PRKG1: variants seen among roughly 807,000 people sequenced by gnomAD.
PRKG1 encodes the protein protein kinase cGMP-dependent 1.
A neutral mutation model predicts 88.1 loss-of-function variants in PRKG1; 35 were observed. The ratio of observed to expected loss-of-function variants is 0.40; its 90% CI spans 0.30 to 0.53. The LOEUF is 0.53. PRKG1 is among the 20% of genes least tolerant of loss of function. PRKG1 has a pLI of 0.59. For synonymous variants in PRKG1, 303 were observed against 292.5 expected (o/e 1.04, Z -0.37); for missense variants, 540 against 839.8 (o/e 0.64, Z 4.41).
chr10:51,600,834 T>C (rs1838577999), intron 3 of PRKG1, among the ~76,000 whole-genome samples: 1 of 152,030 alleles, frequency 6.6e-6, no homozygotes, highest in South Asian at 2.1e-4. Context: ...AAGTTTCTTA[T>C]TTATTGTTCA....
At chr10:51,297,111 T>C (rs1840741243) in intron 2 of PRKG1, among the ~76,000 whole-genome samples, 1 of 152,110 alleles carries the variant, frequency 6.6e-6, no homozygotes, top group South Asian at 2.1e-4. Context: ...TCCCTGGCAA[T>C]AATATGATAG....
chr10:51,669,748 A>G (rs866295497), intron 3 of PRKG1, among the ~76,000 whole-genome samples: 8 of 152,136 alleles, frequency 5.3e-5, no homozygotes, highest in African/African-American at 1.9e-4. Context: ...TATGGTTGAT[A>G]CCTTTTTTAA....
intron 3 of PRKG1, among the ~76,000 whole-genome samples, chr10:51,666,309 T>C (rs1264561053): frequency 1.3e-5 from 2 of 152,208 alleles, no homozygotes; most frequent in African/African-American, 2.4e-5. Flanking sequence ...CGACACTAAG[T>C]TGGCCCCTTG....
intron 7 of PRKG1, among the ~76,000 whole-genome samples, chr10:52,102,605 A>AG (rs1328480711): frequency 1.4e-4 from 21 of 148,330 alleles, no homozygotes; most frequent in African/African-American, 5.2e-4. Flanking sequence ...AAAAGAAAAA[A>AG]AAATTGGTGG....
chr10:52,217,111 T>TA (rs1840129861), intron 9 of PRKG1, among the ~76,000 whole-genome samples: 1 of 152,126 alleles, frequency 6.6e-6, no homozygotes. Flanking sequence ...GAAGGGTGGT[T>TA]AAGTAGGCCC....
chr10:51,395,605 A>G (rs980884147), intron 2 of PRKG1, among the ~76,000 whole-genome samples: 2 of 152,214 alleles, frequency 1.3e-5, no homozygotes, highest in African/African-American at 2.4e-5. Flanking sequence ...TAATTGAGAT[A>G]TAATTAAAAT....
chr10:51,016,952 C>G (rs1031949043), intron 1 of PRKG1, among the ~76,000 whole-genome samples: 6 of 151,490 alleles, frequency 4.0e-5, no homozygotes, highest in Non-Finnish European at 5.9e-5. Flanking sequence ...CATGTGTGAG[C>G]CACCGTGCCT....
At chr10:51,703,282 T>A (rs12242231) in intron 3 of PRKG1, among the ~76,000 whole-genome samples, 41,624 of 152,046 alleles carry the variant, frequency 0.27, 8,370 homozygotes, top group African/African-American at 0.58. Flanking sequence ...GATTCACTAT[T>A]GATTCAGTAG....
At chr10:52,286,172 T>G (rs1842112058) in intron 14 of PRKG1, among the ~76,000 whole-genome samples, 1 of 152,062 alleles carries the variant, frequency 6.6e-6, no homozygotes, top group African/African-American at 2.4e-5. Flanking sequence ...ATAGTCTTAT[T>G]GGCATCAAAG....
rs1286129159 is a variant in PRKG1, at chr10:52,067,980, G to A, written c.935+5349G>A. Reference sequence around the variant, plus strand: ...AGCACTTTGGGAGGCCGAGACGGGCGGATCACGAGGTCAGGAGATCGAGAC... The same window carrying A: ...AGCACTTTGGGAGGCCGAGACGGGCAGATCACGAGGTCAGGAGATCGAGAC... On this transcript the variant is annotated intron_variant, in intron 7 of 17. Coordinates refer to ENST00000373980, the MANE Select transcript of PRKG1 (RefSeq NM_006258.4). Among the ~76,000 whole-genome samples, 5 of 105,232 alleles carry A rather than the reference G, an allele frequency of 4.8e-5. 1 individual carries two copies. The highest frequency in any genetic ancestry group is 2.0e-4 in the Admixed American group (2 of 9,812). 69.0% of individuals were successfully genotyped at this position (105,232 alleles called of 152,430 possible).
At chr10:52,248,025 G>A (rs1201877965) in intron 9 of PRKG1, among the ~76,000 whole-genome samples, 3 of 152,202 alleles carry the variant, frequency 2.0e-5, no homozygotes, top group Non-Finnish European at 2.9e-5. Context: ...CGAAGGGATG[G>A]GCCAAATTAA....
At chr10:51,559,629 T>G (rs543451160) in intron 3 of PRKG1, among the ~76,000 whole-genome samples, 2 of 152,236 alleles carry the variant, frequency 1.3e-5, no homozygotes, top group South Asian at 2.1e-4. Context: ...ATGCATGAAA[T>G]TTTTATCAAG....
intron 2 of PRKG1, among the ~76,000 whole-genome samples, chr10:51,194,326 T>C (rs569660498): frequency 9.9e-5 from 15 of 151,946 alleles, no homozygotes; most frequent in Admixed American, 7.2e-4. Flanking sequence ...GCCATGGTGG[T>C]TTGCTGCACC....
At chr10:51,633,715 C>T (rs1292652295) in intron 3 of PRKG1, among the ~76,000 whole-genome samples, 4 of 152,028 alleles carry the variant, frequency 2.6e-5, no homozygotes, top group South Asian at 2.1e-4. Context: ...GAGTCAGAGC[C>T]GGCAGTTTTA....
chr10:51,707,168 G>C (rs958451305), intron 3 of PRKG1, among the ~76,000 whole-genome samples: 5 of 152,078 alleles, frequency 3.3e-5, no homozygotes, highest in African/African-American at 4.8e-5. Context: ...GAATTTTACC[G>C]ATCATCTTGG....
At chr10:51,521,994 T>C (rs1841748659) in intron 3 of PRKG1, among the ~76,000 whole-genome samples, 1 of 152,200 alleles carries the variant, frequency 6.6e-6, no homozygotes, top group Admixed American at 6.5e-5. Context: ...AATCAGCTTA[T>C]AGCCAACAAA....
intron 9 of PRKG1, among the ~76,000 whole-genome samples, chr10:52,233,145 T>C (rs1192020494): frequency 6.8e-6 from 1 of 147,212 alleles, no homozygotes; most frequent in Non-Finnish European, 1.5e-5. Flanking sequence ...TATTAACTCT[T>C]GAGACAAAAC....
At chr10:51,531,965 A>T (rs1297787039) in intron 3 of PRKG1, among the ~76,000 whole-genome samples, 1 of 152,092 alleles carries the variant, frequency 6.6e-6, no homozygotes, top group Admixed American at 6.6e-5. Context: ...TAAAAAAATG[A>T]CAGTCAGGAC....
intron 2 of PRKG1, among the ~76,000 whole-genome samples, chr10:51,221,502 T>C (rs1377041387): frequency 6.6e-6 from 1 of 152,136 alleles, no homozygotes; most frequent in East Asian, 1.9e-4. Context: ...CAGTTAACAC[T>C]AAATTTTACA....
Sources: allele counts gnomAD v4.1 joint callset (sites outside exome capture counted in the v4.1 genomes callset), GRCh38; gene constraint gnomAD v4.1.1; transcripts MANE v1.5; gene names NCBI Gene and HGNC (gene_info 2026-07-23, HGNC 2026-07-21).